Variants in CYREN observed in about 807,000 individuals in gnomAD.
The protein encoded by CYREN is cell cycle regulator of NHEJ.
In CYREN, 7 loss-of-function variants were observed where a neutral mutation model predicts 9.7. The ratio of observed to expected loss-of-function variants is 0.72; its 90% CI spans 0.41 to 1.36. The LOEUF is 1.36. CYREN is among the 40% of genes most tolerant of loss of function. CYREN has a pLI of 0.01. For synonymous variants in CYREN, 76 were observed against 77.9 expected (o/e 0.98, Z 0.13); for missense variants, 215 against 198.1 (o/e 1.09, Z -0.51).
chr7:135,140,897 C>A (rs907338493), intron 2 of CYREN, among the ~76,000 whole-genome samples: 6 of 151,872 alleles, frequency 4.0e-5, no homozygotes, highest in African/African-American at 1.4e-4. Flanking sequence ...GTTGAACCAA[C>A]CTTCCATCCA....
At chr7:135,167,008 G>C (rs767589983) in intron 3 of CYREN, 137 bp from the exon 4 acceptor site, 45 of 1,473,476 alleles carry the variant, frequency 3.1e-5, no homozygotes, top group Non-Finnish European at 4.0e-5. Context: ...CCCATATCCT[G>C]AGCACCCACC....
At chr7:135,105,007 G>A (rs901085139) in intron 2 of CYREN, among the ~76,000 whole-genome samples, 3 of 150,406 alleles carry the variant, frequency 2.0e-5, no homozygotes, top group African/African-American at 7.3e-5. Flanking sequence ...CAGTTCCTAT[G>A]TGCAGAATAG....
At position 135,166,536 on chromosome 7, in the gene CYREN, G is replaced by A. The variant is rs745892364; in HGVS notation, c.*75C>T. ...GAGAGCCCCATTCCCACAGGCGGGC[G>A]GCCCAGCAGCACCAGTGGAAGCTCA... On this transcript the variant is annotated 3_prime_UTR_variant, in exon 4 of 4. Coordinates refer to ENST00000393114, the MANE Select transcript of CYREN (RefSeq NM_024033.4). 84 of 1,506,688 alleles carry A rather than the reference G, an allele frequency of 5.6e-5. No homozygotes were observed. Among genetic ancestry groups the A allele is most frequent in the Middle Eastern group, 1.8e-4 (1 of 5,622 alleles). 93.3% of individuals were successfully genotyped at this position (1,506,688 alleles called of 1,614,324 possible). A position where few individuals can be genotyped will look rare whatever the true frequency, so the allele number is the denominator to read the frequency against.
intron 2 of CYREN, among the ~76,000 whole-genome samples, chr7:135,122,407 C>T (rs1193010997): frequency 6.6e-6 from 1 of 152,182 alleles, no homozygotes; most frequent in African/African-American, 2.4e-5. Context: ...GAGCCCCTAG[C>T]GGGAGGGGTG....
intron 2 of CYREN, among the ~76,000 whole-genome samples, chr7:135,119,647 G>A (rs554061084): frequency 2.3e-3 from 345 of 152,224 alleles, no homozygotes; most frequent in Non-Finnish European, 4.2e-3. Context: ...GGAGGCCGAG[G>A]TGGGCAGATC....
downstream of CYREN, chr7:135,165,007 C>T (rs370885555): frequency 5.9e-5 from 92 of 1,565,710 alleles, no homozygotes; most frequent in Admixed American, 2.8e-4. Flanking sequence ...TAAAGGCTTA[C>T]GTGATTGCAA....
At chr7:135,101,382 T>C in intron 2 of CYREN, 3 of 376,346 alleles carry the variant, frequency 8.0e-6, no homozygotes, top group Non-Finnish European at 1.6e-5. Context: ...GGAACTACTT[T>C]TGTAAAAGGA....
intron 2 of CYREN, among the ~76,000 whole-genome samples, chr7:135,152,160 G>A (rs1218336434): frequency 6.6e-6 from 1 of 152,210 alleles, no homozygotes; most frequent in Non-Finnish European, 1.5e-5. Flanking sequence ...TTTTACAGAT[G>A]AAAAATCTAG....
intron 2 of CYREN, among the ~76,000 whole-genome samples, chr7:135,137,056 C>T (rs1328150475): frequency 6.6e-6 from 1 of 152,058 alleles, no homozygotes; most frequent in Non-Finnish European, 1.5e-5. Context: ...GCAGCCCCTA[C>T]TTCTTTAAGA....
rs140091222 is a variant in CYREN, at chr7:135,095,130, G to A, written n.357-548C>T. Among the ~76,000 whole-genome samples, 379 of 152,280 alleles carry A rather than the reference G, an allele frequency of 2.5e-3. 2 individuals are homozygous for A. The highest frequency in any genetic ancestry group is 8.6e-3 in the African/African-American group (359 of 41,550). On this transcript the variant is annotated intron_variant and non_coding_transcript_variant, in intron 2 of 2. Coordinates refer to the CYREN transcript ENST00000459937. The stretch of plus-strand genomic sequence containing the variant: ...ACCAGAACCTTATCCTATTTTCGGG[G>A]AGGGATATTTCTGCAACTCCAGCCT...
At position 135,131,459 on chromosome 7, in the gene CYREN, T is replaced by TAA. The variant is rs111322207; in HGVS notation, n.357-36879_357-36878dup. On this transcript the variant is annotated intron_variant and non_coding_transcript_variant, in intron 2 of 2. Transcript: ENST00000459937. ...TAGAAGAAATAAAGGAAACAAAAAT[T>TAA]AAAAAAAAAATTCTCAAAGGAAGTA... Among the ~76,000 whole-genome samples, 613 of 149,986 alleles carry TAA rather than the reference T, an allele frequency of 4.1e-3. 2 individuals carry two copies. The highest frequency in any genetic ancestry group is 6.2e-3 in the African/African-American group (255 of 40,824).
intron 2 of CYREN, among the ~76,000 whole-genome samples, chr7:135,116,177 T>G (rs1826285222): frequency 6.6e-6 from 1 of 152,224 alleles, no homozygotes; most frequent in Non-Finnish European, 1.5e-5. Flanking sequence ...TTCTAAGTTA[T>G]ATATGTATAC....
intron 2 of CYREN, among the ~76,000 whole-genome samples, chr7:135,096,361 GAC>G (rs368906192): frequency 2.9e-4 from 43 of 150,264 alleles, no homozygotes; most frequent in South Asian, 1.3e-3. Context: ...GAAAGAGAGA[GAC>G]AGACAGACAG....
intron 2 of CYREN, among the ~76,000 whole-genome samples, chr7:135,114,379 T>C (rs576009203): frequency 6.6e-6 from 1 of 152,238 alleles, no homozygotes; most frequent in Non-Finnish European, 1.5e-5. Flanking sequence ...GAGGTTTTTT[T>C]TGATAGCAGC....
chr7:135,170,334 A>G (rs1830562719), intron 1 of CYREN: 1 of 152,296 alleles, frequency 6.6e-6, no homozygotes, highest in African/African-American at 2.4e-5. Context: ...CGGGAACGCG[A>G]TGTGCTGCCA....
chr7:135,170,857 C>G (rs1167424775), upstream of CYREN: 3 of 152,184 alleles, frequency 2.0e-5, no homozygotes, highest in Non-Finnish European at 4.4e-5. Flanking sequence ...GTCGGAGGTC[C>G]GCGGGCGCCC....
chr7:135,115,521 T>G, intron 2 of CYREN: 1 of 1,551,508 alleles, frequency 6.4e-7, no homozygotes, highest in Non-Finnish European at 8.7e-7. Context: ...TTGCAGTATT[T>G]GCTCCCCATC....
chr7:135,143,320 G>A (rs1585333639), intron 2 of CYREN, among the ~76,000 whole-genome samples: 1 of 152,132 alleles, frequency 6.6e-6, no homozygotes, highest in African/African-American at 2.4e-5. Context: ...CATAAATATA[G>A]TCAACTCATC....
At chr7:135,109,302 G>A (rs537787511) in intron 2 of CYREN, among the ~76,000 whole-genome samples, 6 of 152,208 alleles carry the variant, frequency 3.9e-5, no homozygotes, top group Admixed American at 1.3e-4. Context: ...GAGGCAGCAC[G>A]GGTGAGGGCT....
Sources: gnomAD v4.1 joint callset for allele counts (sites outside exome capture counted in the v4.1 genomes callset) on GRCh38, gnomAD v4.1.1 for gene constraint, MANE v1.5 for transcripts, NCBI Gene and HGNC (gene_info 2026-07-23, HGNC 2026-07-21) for gene names.